BOLL: variants seen among roughly 807,000 people sequenced by gnomAD.
BOLL encodes boule RNA binding protein.
In BOLL, 23 loss-of-function variants were observed where a neutral mutation model predicts 44.4. The observed-to-expected ratio is 0.52, with a 90% CI of 0.37 to 0.73. BOLL has a LOEUF of 0.73. Ranked by LOEUF, BOLL falls within the 30% of genes least tolerant of loss-of-function variation. The probability of loss-of-function intolerance (pLI) is 0.00; values close to 1 mark genes in which losing one functional copy is unlikely to be tolerated. For missense variants in BOLL, 287 were observed against 338.3 expected (o/e 0.85, Z 1.19); for synonymous variants, 97 against 110.8 (o/e 0.88, Z 0.78).
At chr2:197,780,094 G>A (rs1689699855) in intron 2 of BOLL, among the ~76,000 whole-genome samples, 1 of 151,966 alleles carries the variant, frequency 6.6e-6, no homozygotes, top group Non-Finnish European at 1.5e-5. Flanking sequence ...GCTAGAATAA[G>A]AATTGTTACT....
chr2:197,783,238 T>C (rs1040552544), intron 1 of BOLL, among the ~76,000 whole-genome samples: 2 of 152,070 alleles, frequency 1.3e-5, no homozygotes, highest in Admixed American at 1.3e-4. Context: ...GAGGATTGCT[T>C]GAGATCAGGA....
intron 9 of BOLL, among the ~76,000 whole-genome samples, chr2:197,748,059 A>C (rs998565019): frequency 6.6e-6 from 1 of 152,120 alleles, no homozygotes; most frequent in Non-Finnish European, 1.5e-5. Flanking sequence ...AGCTCATCTC[A>C]CTGGGACTGG....
intron 3 of BOLL, among the ~76,000 whole-genome samples, chr2:197,777,821 TAAGTA>T (rs1312064649): frequency 6.6e-6 from 1 of 151,902 alleles, no homozygotes; most frequent in African/African-American, 2.4e-5. Context: ...TTAGATAACT[TAAGTA>T]AACTCTTCTG....
chr2:197,781,711 T>C lies in BOLL; in HGVS notation c.129+11A>G. ...GAAAAAATACACTTTACTGCATGCA[T>C]AAATAGGTACCTTAAAATCAATTCC... On this transcript the variant is annotated intron_variant, in intron 2 of 10. Coordinates refer to ENST00000392296, the MANE Select transcript of BOLL (RefSeq NM_033030.6). The C allele has an allele frequency of 6.5e-7, 1 of 1,528,714 alleles. No homozygotes were observed. Among genetic ancestry groups the C allele is most frequent in the Non-Finnish European group, 8.9e-7 (1 of 1,124,754 alleles). 94.7% of individuals were successfully genotyped at this position (1,528,714 alleles called of 1,614,324 possible). A position where few individuals can be genotyped will look rare whatever the true frequency, so the allele number is the denominator to read the frequency against.
At chr2:197,746,789 A>C (rs921256725) in intron 9 of BOLL, among the ~76,000 whole-genome samples, 1 of 149,638 alleles carries the variant, frequency 6.7e-6, no homozygotes, top group Non-Finnish European at 1.5e-5. Context: ...AGTCCCAGCT[A>C]TTTGGGAGGC....
chr2:197,745,750 C>T (rs543443847), intron 9 of BOLL, among the ~76,000 whole-genome samples: 8 of 152,106 alleles, frequency 5.3e-5, no homozygotes, highest in African/African-American at 7.2e-5. Context: ...GCAAGTTGGA[C>T]GAACATAAGG....
In BOLL at chr2:197,728,197, T is replaced by A; in HGVS notation, c.*358A>T. The A allele has an allele frequency of 5.3e-6, 2 of 374,146 alleles. No homozygotes were observed. The highest frequency in any genetic ancestry group is 9.5e-6 in the Non-Finnish European group (2 of 210,930). 23.2% of individuals were successfully genotyped at this position (374,146 alleles called of 1,614,324 possible). ...AATAATATGAAACATAACATCTAAT[T>A]GTTTGATAAGAAAAAATAACACAAA... is the stretch of plus-strand genomic sequence containing the variant. On this transcript the variant is annotated 3_prime_UTR_variant, in exon 11 of 11. Transcript: ENST00000392296.
intron 9 of BOLL, among the ~76,000 whole-genome samples, chr2:197,752,656 A>T (rs1279046139): frequency 1.3e-5 from 2 of 152,348 alleles, no homozygotes; most frequent in East Asian, 3.9e-4. Context: ...ATATGAGAGG[A>T]CACAATCAAA....
intron 10 of BOLL, among the ~76,000 whole-genome samples, chr2:197,729,953 G>T (rs1361867808): frequency 2.6e-5 from 4 of 152,122 alleles, no homozygotes; most frequent in Non-Finnish European, 5.9e-5. Flanking sequence ...ACAGAACAAA[G>T]CTGGATGGGG....
In BOLL at chr2:197,775,669, G is replaced by T; in HGVS notation, c.348C>A (p.Ile116=). ...GPAIRKQQVG[I]PRSSIMPAAG... ...ACATTAGTTCTCAATACATACGAGGGATCCCTACTTGTTGTTTTCTTATTG... is the reference window on the plus strand; with the variant it reads ...ACATTAGTTCTCAATACATACGAGGTATCCCTACTTGTTGTTTTCTTATTG... Residue 116 remains isoleucine, a synonymous_variant, in exon 5 of 11, where the codon ATC becomes ATA. Transcript: ENST00000392296. The T allele has an allele frequency of 1.9e-6, 3 of 1,553,136 alleles. No individual in the cohort carries two copies. Among genetic ancestry groups the T allele is most frequent in the Non-Finnish European group, 2.6e-6 (3 of 1,144,750 alleles).
chr2:197,773,538 C>T lies in BOLL; in HGVS notation c.353-1556G>A, dbSNP rs368582510. ...CTGAACATTTCAATTATTATGTATA[C>T]AAAACATATATAAAATTTCTCTCTA... On this transcript the variant is annotated intron_variant, in intron 5 of 10. Transcript: ENST00000392296. 4.0e-5 allele frequency among the ~76,000 whole-genome samples: 6 copies of T among 151,694 alleles called. No individual in the cohort carries two copies. The East Asian group carries it at 7.7e-4, about 20-fold the overall frequency.
intron 5 of BOLL, among the ~76,000 whole-genome samples, chr2:197,775,080 A>C (rs2106382456): frequency 6.6e-6 from 1 of 152,030 alleles, no homozygotes; most frequent in Middle Eastern, 3.4e-3. Flanking sequence ...TAAAAAGTTA[A>C]CTATAAAGAT....
chr2:197,751,047 A>G (rs1688220544), intron 9 of BOLL, among the ~76,000 whole-genome samples: 1 of 152,216 alleles, frequency 6.6e-6, no homozygotes, highest in Non-Finnish European at 1.5e-5. Flanking sequence ...CTGAATGACT[A>G]GTGGATAAAT....
chr2:197,727,747 A>C lies in BOLL; in HGVS notation c.*808T>G, dbSNP rs1452219544. ...GTGTTATGGGATCATGTCAGAGATGAACCCTTTTATCAAAATTCCAAAGGT... is the reference window on the plus strand; with the variant it reads ...GTGTTATGGGATCATGTCAGAGATGCACCCTTTTATCAAAATTCCAAAGGT... On this transcript the variant is annotated 3_prime_UTR_variant, in exon 11 of 11. Transcript: ENST00000392296. The C allele has an allele frequency of 6.6e-6, 1 of 152,350 alleles. No homozygotes were observed. The highest frequency in any genetic ancestry group is 1.5e-5 in the Non-Finnish European group (1 of 68,018). 9.4% of individuals were successfully genotyped at this position (152,350 alleles called of 1,614,324 possible).
chr2:197,729,242 C>T (rs1341190546), intron 10 of BOLL, among the ~76,000 whole-genome samples: 1 of 151,970 alleles, frequency 6.6e-6, no homozygotes, highest in Non-Finnish European at 1.5e-5. Context: ...CGGGTCACTA[C>T]TGCGCTTTTC....
intron 10 of BOLL, among the ~76,000 whole-genome samples, chr2:197,729,126 C>T (rs966186978): frequency 6.6e-5 from 10 of 152,110 alleles, no homozygotes; most frequent in African/African-American, 9.7e-5. Flanking sequence ...GTGCACCGTG[C>T]GCAAGCTGAA....
At chr2:197,729,919 A>G (rs997532736) in intron 10 of BOLL, among the ~76,000 whole-genome samples, 1 of 152,146 alleles carries the variant, frequency 6.6e-6, no homozygotes, top group Non-Finnish European at 1.5e-5. Context: ...TCCTCCTCCA[A>G]AGGAACGCAG....
chr2:197,735,361 C>G (rs950068948), intron 10 of BOLL, among the ~76,000 whole-genome samples: 4 of 152,056 alleles, frequency 2.6e-5, no homozygotes, highest in African/African-American at 7.2e-5. Context: ...TGATTTTTCT[C>G]TATTCCTCTT....
At chr2:197,758,553 C>A (rs1169086568) in intron 7 of BOLL, among the ~76,000 whole-genome samples, 1 of 152,186 alleles carries the variant, frequency 6.6e-6, no homozygotes, top group African/African-American at 2.4e-5. Context: ...AGCACAAAAA[C>A]AGCCATAGAC....
Sources: allele counts gnomAD v4.1 joint callset (sites outside exome capture counted in the v4.1 genomes callset), GRCh38; gene constraint gnomAD v4.1.1; transcripts MANE v1.5; gene names NCBI Gene and HGNC (gene_info 2026-07-23, HGNC 2026-07-21).